Variants in KIF26A observed in about 807,000 individuals in gnomAD.
KIF26A encodes kinesin-like protein KIF26A.
In KIF26A, 74 loss-of-function variants were observed where a neutral mutation model predicts 126.0. The observed-to-expected ratio is 0.59, with a 90% CI of 0.49 to 0.71. The LOEUF (loss-of-function observed/expected upper bound fraction) is 0.71. Ranked by LOEUF, KIF26A falls within the 30% of genes least tolerant of loss-of-function variation. KIF26A has a pLI of 0.00. For missense variants in KIF26A, 2,984 were observed against 2,763.3 expected (o/e 1.08, Z -1.79); for synonymous variants, 1,445 against 1,232.7 (o/e 1.17, Z -3.61).
chr14:104,174,833 T>A (rs1486064876), intron 11 of KIF26A, 149 bp from the exon 12 acceptor site: 6 of 824,688 alleles, frequency 7.3e-6, no homozygotes, highest in Non-Finnish European at 1.1e-5. Context: ...TCAGTTCCGC[T>A]CCCAGCGTTT....
At chr14:104,146,200 G>C (rs538234573) in intron 2 of KIF26A, among the ~76,000 whole-genome samples, 1 of 152,348 alleles carries the variant, frequency 6.6e-6, no homozygotes, top group South Asian at 2.1e-4. Flanking sequence ...TTTTGGGGGT[G>C]GGTGGCCCCT....
chr14:104,177,622 C>A lies in KIF26A; in HGVS notation c.4834C>A (p.Pro1612Thr). Residue 1612 changes from proline to threonine, a missense_variant, in exon 12 of 15, where the codon CCC becomes ACC. Coordinates refer to ENST00000423312, the MANE Select transcript of KIF26A (RefSeq NM_015656.2). ...ACCCACGGGCCCGGCCCTGCCCTCCCCCTACAGCAAGGTGACCGCCCCACG... is the reference window on the plus strand; with the variant it reads ...ACCCACGGGCCCGGCCCTGCCCTCCACCTACAGCAAGGTGACCGCCCCACG... ...RPPTGPALPS[P>T]YSKVTAPRRP... 6.5e-7 allele frequency: 1 copy of A among 1,527,208 alleles called. No homozygotes were observed. The highest frequency in any genetic ancestry group is 8.8e-7 in the Non-Finnish European group (1 of 1,141,708). 94.6% of individuals were successfully genotyped at this position (1,527,208 alleles called of 1,614,324 possible).
intron 4 of KIF26A, among the ~76,000 whole-genome samples, chr14:104,162,707 T>TGGGCG (rs1273883538): frequency 6.6e-6 from 1 of 151,926 alleles, no homozygotes; most frequent in Non-Finnish European, 1.5e-5. Flanking sequence ...TGGCTCTGGG[T>TGGGCG]GGGCGTGACC....
rs1316498668 is a variant in KIF26A, at chr14:104,176,681, A to C, written c.3893A>C (p.Glu1298Ala). ...GCAGCCAGGGCGGCCCGCAGGCCAG[A>C]GGCTGTGGCTCGGATCCCACCGCTG... ...EVAARAARRP[E>A]AVARIPPLRR... The change falls in exon 12 of 15, where the codon GAG (glutamate) becomes GCG (alanine). Residue 1298 changes from glutamate to alanine, a missense_variant. Coordinates refer to ENST00000423312, the MANE Select transcript of KIF26A (RefSeq NM_015656.2). 1 of 1,596,346 alleles carries C rather than the reference A, an allele frequency of 6.3e-7. No individual in the cohort carries two copies. The highest frequency in any genetic ancestry group is 8.5e-7 in the Non-Finnish European group (1 of 1,171,174).
chr14:104,171,070 G>A (rs1337459382), intron 5 of KIF26A, among the ~76,000 whole-genome samples: 2 of 152,206 alleles, frequency 1.3e-5, no homozygotes, highest in Non-Finnish European at 2.9e-5. Context: ...AGGCCGAGGC[G>A]TCAGAATTTG....
intron 12 of KIF26A, 130 bp downstream of exon 12, chr14:104,178,028 C>T (rs1596152609): frequency 1.9e-6 from 2 of 1,080,934 alleles, no homozygotes; most frequent in African/African-American, 1.6e-5. Flanking sequence ...CCCAGACCCA[C>T]ACAGCCGTGG....
At position 104,176,590 on chromosome 14, in the gene KIF26A, C is replaced by T. The variant is rs1360391783; in HGVS notation, c.3802C>T (p.Pro1268Ser). The T allele has an allele frequency of 1.2e-6, 2 of 1,608,528 alleles. No individual in the cohort carries two copies. Among genetic ancestry groups the T allele is most frequent in the Admixed American group, 1.7e-5 (1 of 60,002 alleles). Residue 1268 changes from proline to serine, a missense_variant, in exon 12 of 15, where the codon CCC becomes TCC. Pro to Ser is a moderately conservative substitution (Grantham distance 74). Coordinates refer to ENST00000423312, the MANE Select transcript of KIF26A (RefSeq NM_015656.2). The part of the protein sequence containing the change: ...GRAPSPTLGS[P>S]RLPEAQVMLA... ...GGCCCCCAGCCCCACACTTGGCTCC[C>T]CCCGGCTGCCTGAGGCCCAGGTGAT... is the stretch of plus-strand genomic sequence containing the variant.
chr14:104,140,250 G>C (rs945495151), intron 2 of KIF26A, among the ~76,000 whole-genome samples: 2 of 152,176 alleles, frequency 1.3e-5, no homozygotes, highest in African/African-American at 2.4e-5. Flanking sequence ...CTGGAGTCTC[G>C]GCGAGGGATA....
intron 2 of KIF26A, among the ~76,000 whole-genome samples, chr14:104,141,249 C>A (rs1172073517): frequency 6.6e-6 from 1 of 152,224 alleles, no homozygotes; most frequent in Non-Finnish European, 1.5e-5. Context: ...GTGCACTGTC[C>A]AGTGGGCCCT....
At position 104,151,712 on chromosome 14, in the gene KIF26A, C is replaced by T. The variant is rs1043452766; in HGVS notation, c.289-303C>T. On this transcript the variant is annotated intron_variant, in intron 2 of 14. Transcript: ENST00000423312. This position sits in a 1 kb window ranked among gnomAD's most constrained non-coding sequence, Gnocchi z 4.9. Reference sequence around the variant, plus strand: ...TCCCCGGCCAGGCGGCCTTAGCTGACAGTGGTCCGGTTGTCCGGGAGCCGC... The same window carrying T: ...TCCCCGGCCAGGCGGCCTTAGCTGATAGTGGTCCGGTTGTCCGGGAGCCGC... 1.3e-5 allele frequency among the ~76,000 whole-genome samples: 2 copies of T among 152,230 alleles called. No homozygotes were observed. The highest frequency in any genetic ancestry group is 4.8e-5 in the African/African-American group (2 of 41,460).
In KIF26A at chr14:104,157,835, G is replaced by T; in HGVS notation, c.816G>T (p.Ser272=). Residue 272 remains serine (S), a synonymous_variant, in exon 4 of 15, where the codon TCG becomes TCT. Transcript: ENST00000423312. ...CCGTGGCCGGCCCTGATGGCTTGTC[G>T]AAGGCCTGGGGCCGTGGTGGAGTCT... ...CPPVAGPDGL[S]KAWGRGGVCT... 6.2e-7 allele frequency: 1 copy of T among 1,609,382 alleles called. No individual in the cohort carries two copies.
chr14:104,174,721 A>C (rs1447258432), intron 11 of KIF26A, among the ~76,000 whole-genome samples: 1 of 152,168 alleles, frequency 6.6e-6, no homozygotes. Flanking sequence ...GCCTGGGCAC[A>C]CATGCTTGTC....
intron 5 of KIF26A, among the ~76,000 whole-genome samples, chr14:104,170,247 G>A (rs8013773): frequency 0.35 from 52,677 of 152,194 alleles, 12,737 homozygotes; most frequent in African/African-American, 0.69. Flanking sequence ...GCACGTTTTC[G>A]TCTGCTTTGT....
intron 3 of KIF26A, 145 bp from the exon 4 acceptor site, chr14:104,157,610 C>T: frequency 1.1e-6 from 1 of 915,742 alleles, no homozygotes; most frequent in Non-Finnish European, 1.5e-6. Flanking sequence ...TTCCCGGCTT[C>T]ACAGGCTGGG....
At chr14:104,165,320 T>C (rs1280093135) in intron 4 of KIF26A, among the ~76,000 whole-genome samples, 1 of 150,432 alleles carries the variant, frequency 6.6e-6, no homozygotes, top group Non-Finnish European at 1.5e-5. Context: ...TGTGTCTCTA[T>C]GCATGTGTGC....
At chr14:104,145,052 T>C (rs1318928434) in intron 2 of KIF26A, among the ~76,000 whole-genome samples, 2 of 152,188 alleles carry the variant, frequency 1.3e-5, no homozygotes, top group Non-Finnish European at 2.9e-5. Context: ...CCCACGCTGC[T>C]CCCTTCCTGC....
intron 4 of KIF26A, among the ~76,000 whole-genome samples, chr14:104,165,659 GTA>G (rs1555388918): frequency 5.9e-4 from 85 of 144,364 alleles, no homozygotes; most frequent in African/African-American, 2.3e-3. Flanking sequence ...GCATGTGTGT[GTA>G]TCTGTGTTTC....
At chr14:104,166,368 A>G (rs1434622819) in intron 4 of KIF26A, among the ~76,000 whole-genome samples, 1 of 152,104 alleles carries the variant, frequency 6.6e-6, no homozygotes, top group East Asian at 1.9e-4. Flanking sequence ...TTAGGGCCAC[A>G]CAGAGGCCTC....
At chr14:104,165,533 TTG>T (rs906289338) in intron 4 of KIF26A, among the ~76,000 whole-genome samples, 1 of 97,610 alleles carries the variant, frequency 1.0e-5, no homozygotes, top group Non-Finnish European at 2.0e-5. Flanking sequence ...GTGTGTATCT[TTG>T]TGTCTATGCG....
Sources: gnomAD v4.1 joint callset for allele counts (sites outside exome capture counted in the v4.1 genomes callset) on GRCh38, gnomAD v4.1.1 for gene constraint, Gnocchi (gnomAD v3.1) non-coding constraint, MANE v1.5 for transcripts, NCBI Gene and HGNC (gene_info 2026-07-23, HGNC 2026-07-21) for gene names.